Variants in LARP4B observed in about 807,000 individuals in gnomAD.
LARP4B encodes the protein la-related protein 4B.
A neutral mutation model predicts 89.8 loss-of-function variants in LARP4B; 12 were observed. The ratio of observed to expected loss-of-function variants is 0.13; its 90% confidence interval spans 0.09 to 0.22. The LOEUF is 0.22. LARP4B is among the 10% of genes least tolerant of loss of function. The pLI is 1.00. For missense variants in LARP4B, 757 were observed against 947.7 expected, an observed-to-expected ratio of 0.80 and a Z score of 2.64; for synonymous variants, 367 against 363.3, an observed-to-expected ratio of 1.01 and a Z score of -0.12.
intron 5 of LARP4B, among the ~76,000 whole-genome samples, chr10:847,793 T>A (rs1833848746): frequency 6.6e-6 from 1 of 152,158 alleles, no homozygotes; most frequent in Non-Finnish European, 1.5e-5. Flanking sequence ...CCTCCCAAAG[T>A]GCTGGGATTC....
At chr10:983,654 C>T in the LARP4B span, among the ~76,000 whole-genome samples, 1 of 152,168 alleles carries the variant, frequency 6.6e-6, no homozygotes, top group African/African-American at 2.4e-5. Flanking sequence ...ATCAGGAGAG[C>T]TCCAGCCTCG....
At chr10:987,800 T>C in the LARP4B span, 4 of 152,354 alleles carry the variant, frequency 2.6e-5, no homozygotes, top group Admixed American at 2.6e-4. Flanking sequence ...CCTAAGGCAC[T>C]GCGCGGAACC....
At chr10:987,789 T>TC in the LARP4B span, 1 of 152,320 alleles carries the variant, frequency 6.6e-6, no homozygotes, top group Admixed American at 6.5e-5. Flanking sequence ...CCCTGGGCTC[T>TC]CCTAAGGCAC....
chr10:979,890 G>A, the LARP4B span, among the ~76,000 whole-genome samples: 1 of 152,318 alleles, frequency 6.6e-6, no homozygotes, highest in South Asian at 2.1e-4. Context: ...AGAATGGTGT[G>A]AACCCAGGAG....
At chr10:914,523 G>A (rs1482649534) in intron 1 of LARP4B, among the ~76,000 whole-genome samples, 3 of 145,278 alleles carry the variant, frequency 2.1e-5, no homozygotes, top group Admixed American at 7.0e-5. Flanking sequence ...CGAGTGAGGC[G>A]TGGTGGCTCG....
chr10:963,831 T>C, the LARP4B span, among the ~76,000 whole-genome samples: 1 of 152,238 alleles, frequency 6.6e-6, no homozygotes, highest in Admixed American at 6.5e-5. Flanking sequence ...AGGCTCAAAG[T>C]TGCATCAGCA....
At chr10:882,172 A>C (rs970824668) in intron 3 of LARP4B, among the ~76,000 whole-genome samples, 2 of 152,150 alleles carry the variant, frequency 1.3e-5, no homozygotes, top group African/African-American at 2.4e-5. Flanking sequence ...TGATTACACA[A>C]CTCAGTAAAT....
intron 1 of LARP4B, among the ~76,000 whole-genome samples, chr10:896,988 ATTTTTTTT>A (rs58205872): frequency 9.5e-5 from 13 of 137,468 alleles, no homozygotes; most frequent in South Asian, 4.7e-4. Flanking sequence ...TTGTGGGAGA[ATTTTTTTT>A]TTTTTTTTTT....
At chr10:813,861 G>A (rs943088213) in intron 17 of LARP4B, among the ~76,000 whole-genome samples, 7 of 148,844 alleles carry the variant, frequency 4.7e-5, no homozygotes, top group African/African-American at 1.0e-4. Context: ...GAGTGCAGCA[G>A]TGCAATCTCA....
At chr10:915,105 T>C (rs1482629744) in intron 1 of LARP4B, among the ~76,000 whole-genome samples, 3 of 152,176 alleles carry the variant, frequency 2.0e-5, no homozygotes, top group Admixed American at 6.6e-5. Context: ...AAAAAGTTTA[T>C]GGAAATTTTA....
At chr10:923,946 A>C (rs1211452125) in intron 1 of LARP4B, among the ~76,000 whole-genome samples, 1 of 152,252 alleles carries the variant, frequency 6.6e-6, no homozygotes, top group African/African-American at 2.4e-5. Context: ...ATATTTTATA[A>C]ACAAATTTTA....
chr10:891,227 G>C (rs1836010138), intron 1 of LARP4B, among the ~76,000 whole-genome samples: 1 of 151,804 alleles, frequency 6.6e-6, no homozygotes, highest in Non-Finnish European at 1.5e-5. Flanking sequence ...CAAGAGCCAG[G>C]GGACCACCAA....
the LARP4B span, among the ~76,000 whole-genome samples, chr10:957,908 C>T: frequency 0.047 from 7,043 of 151,454 alleles, 228 homozygotes; most frequent in Middle Eastern, 0.13. Flanking sequence ...GCCCTCCTCC[C>T]TCCTCAGCCT....
the LARP4B span, among the ~76,000 whole-genome samples, chr10:946,691 C>T: frequency 2.0e-5 from 3 of 152,280 alleles, no homozygotes; most frequent in African/African-American, 7.2e-5. Flanking sequence ...GAATGAAATA[C>T]TGAACTAGAA....
chr10:960,250 A>G, the LARP4B span, among the ~76,000 whole-genome samples: 1 of 152,118 alleles, frequency 6.6e-6, no homozygotes, highest in Admixed American at 6.5e-5. Context: ...GGGAGGGATG[A>G]GAGGGGGAGC....
chr10:872,978 C>T (rs1835300862), intron 3 of LARP4B: 2 of 971,010 alleles, frequency 2.1e-6, no homozygotes, highest in Middle Eastern at 5.2e-4. Context: ...ACTGCTGGCT[C>T]CACTGCCAGT....
intron 14 of LARP4B, chr10:818,416 AAAGGG>A (rs1248402540): frequency 6.6e-6 from 1 of 152,250 alleles, no homozygotes; most frequent in Non-Finnish European, 1.5e-5. Flanking sequence ...TGGTTTAACA[AAAGGG>A]AAGGGGGCTC....
At chr10:938,390 A>G in the LARP4B span, among the ~76,000 whole-genome samples, 1 of 151,828 alleles carries the variant, frequency 6.6e-6, no homozygotes, top group East Asian at 1.9e-4. Flanking sequence ...AGCTGGGACT[A>G]CAGGTGCCCA....
chr10:896,763 C>T (rs1836201046), intron 1 of LARP4B, among the ~76,000 whole-genome samples: 1 of 152,132 alleles, frequency 6.6e-6, no homozygotes, highest in Admixed American at 6.5e-5. Context: ...ATAAAGACGT[C>T]CTTAGACCAA....
Sources: gnomAD v4.1 joint callset for allele counts (sites outside exome capture counted in the v4.1 genomes callset) on GRCh38, gnomAD v4.1.1 for gene constraint, MANE v1.5 for transcripts, NCBI Gene and HGNC (gene_info 2026-07-23, HGNC 2026-07-21) for gene names.